Variants in PCDHGA1 observed in about 807,000 individuals in gnomAD.
PCDHGA1 encodes protocadherin gamma subfamily A, 1.
In PCDHGA1, 32 loss-of-function variants were observed where a neutral mutation model predicts 58.0. The observed-to-expected ratio is 0.55, with a 90% CI of 0.42 to 0.74. The LOEUF (loss-of-function observed/expected upper bound fraction) is 0.74. Ranked by LOEUF, PCDHGA1 falls within the 30% of genes least tolerant of loss-of-function variation. The pLI, the probability that PCDHGA1 is intolerant of heterozygous loss-of-function variation, is 0.00. For synonymous variants in PCDHGA1, 498 were observed against 501.1 expected (o/e 0.99, Z 0.08); for missense variants, 1,205 against 1,182.3 (o/e 1.02, Z -0.28).
intron 1 of PCDHGA1, among the ~76,000 whole-genome samples, chr5:141,447,728 A>G (rs2098549955): frequency 6.6e-6 from 1 of 152,204 alleles, no homozygotes; most frequent in Non-Finnish European, 1.5e-5. Flanking sequence ...TCCAAAACTC[A>G]TTGAACTTAA....
intron 1 of PCDHGA1, among the ~76,000 whole-genome samples, chr5:141,444,473 G>A (rs943971075): frequency 2.6e-5 from 4 of 151,972 alleles, no homozygotes; most frequent in Admixed American, 6.6e-5. Flanking sequence ...GCCCGGTCGC[G>A]TACTGGATTT....
At chr5:141,412,233 A>T (rs866840267) in intron 1 of PCDHGA1, 1 of 152,256 alleles carries the variant, frequency 6.6e-6, no homozygotes, top group Non-Finnish European at 1.5e-5. Context: ...TTAAAAACCT[A>T]TATCACTACA....
chr5:141,440,035 C>T, intron 1 of PCDHGA1: 1 of 153,140 alleles, frequency 6.5e-6, no homozygotes, highest in East Asian at 1.9e-4. Flanking sequence ...GTGTCGAGGA[C>T]ATGCCCACTT....
intron 1 of PCDHGA1, chr5:141,340,494 A>G (rs750347331): frequency 6.8e-6 from 11 of 1,613,726 alleles, no homozygotes; most frequent in East Asian, 2.2e-5. Flanking sequence ...ATCTCTATCA[A>G]CTCCGACACT....
chr5:141,344,944 TA>T, intron 1 of PCDHGA1: 2 of 1,613,856 alleles, frequency 1.2e-6, no homozygotes, highest in East Asian at 2.2e-5. Context: ...GTATCAATAT[TA>T]AAAAGTCTAG....
intron 2 of PCDHGA1, among the ~76,000 whole-genome samples, chr5:141,499,099 C>T (rs1031964059): frequency 1.3e-5 from 2 of 152,156 alleles, no homozygotes; most frequent in Non-Finnish European, 2.9e-5. Context: ...ACATGCTTCT[C>T]CTCCCCACCA....
At chr5:141,415,450 C>A (rs774745130) in intron 1 of PCDHGA1, 44 of 1,614,086 alleles carry the variant, frequency 2.7e-5, no homozygotes, top group Non-Finnish European at 3.4e-5. Context: ...GACCTATTCC[C>A]ACGAGGTCTC....
At chr5:141,381,893 G>C (rs1777730137) in intron 1 of PCDHGA1, among the ~76,000 whole-genome samples, 1 of 121,222 alleles carries the variant, frequency 8.2e-6, no homozygotes, top group African/African-American at 3.2e-5. Context: ...GCAATGGTGT[G>C]ATCTCGGCTC....
In PCDHGA1 at chr5:141,339,655, C is replaced by G. The variant is rs767792449; in HGVS notation, c.2421+6550C>G. ...CAGTGCTATCTGGCACCTCCCGCAT[C>G]TGCGTGAAGGTCCTGGATGCGAACG... is the stretch of plus-strand genomic sequence containing the variant. On this transcript the variant is annotated intron_variant, in intron 1 of 3. Coordinates refer to ENST00000517417, the MANE Select transcript of PCDHGA1 (RefSeq NM_018912.3). The G allele has an allele frequency of 1.2e-5, 20 of 1,614,076 alleles. No homozygotes were observed. The highest frequency in any genetic ancestry group is 3.3e-4 in the Middle Eastern group (2 of 6,084).
chr5:141,375,025 TTA>T (rs778119379), intron 1 of PCDHGA1: 2 of 1,614,042 alleles, frequency 1.2e-6, no homozygotes, highest in East Asian at 4.5e-5. Flanking sequence ...ACTCGAGTTT[TTA>T]TGAGCTGGGT....
chr5:141,488,552 A>C (rs993681273), intron 1 of PCDHGA1, among the ~76,000 whole-genome samples: 1 of 152,194 alleles, frequency 6.6e-6, no homozygotes, highest in African/African-American at 2.4e-5. Context: ...GTCAGCTGAC[A>C]TTGAGATTTC....
At chr5:141,422,640 C>T in intron 1 of PCDHGA1, 1 of 1,612,590 alleles carries the variant, frequency 6.2e-7, no homozygotes, top group South Asian at 1.1e-5. Flanking sequence ...GGGGTGCCTC[C>T]ATCTTCTCAG....
chr5:141,399,896 T>G (rs1271195619), intron 1 of PCDHGA1: 2 of 1,612,518 alleles, frequency 1.2e-6, no homozygotes, highest in Non-Finnish European at 8.5e-7. Flanking sequence ...GTAGTGGCCG[T>G]GGACGCAGAC....
rs766042374 is a variant in PCDHGA1 at position 141,418,520 on chromosome 5, C to A, written c.2422-76287C>A. ...GACCGCCTTAGATGGTGGGGACCCTCCCCGAAGCGGTACTGCTCAGATAAG... is the reference window on the plus strand; with the variant it reads ...GACCGCCTTAGATGGTGGGGACCCTACCCGAAGCGGTACTGCTCAGATAAG... On this transcript the variant is annotated intron_variant, in intron 1 of 3. Transcript: ENST00000517417. 6 of 1,613,818 alleles carry A rather than the reference C, an allele frequency of 3.7e-6. No individual in the cohort carries two copies. The highest frequency in any genetic ancestry group is 5.1e-6 in the Non-Finnish European group (6 of 1,179,890).
chr5:141,431,681 G>A lies in PCDHGA1; in HGVS notation c.2422-63126G>A. The A allele has an allele frequency of 6.2e-7, 1 of 1,614,214 alleles. No homozygotes were observed. The highest frequency in any genetic ancestry group is 1.1e-5 in the South Asian group (1 of 91,086). ...GACAATATCAACAATAGGGGAGTTG[G>A]ACCACGAGGAGTCAGGATTCTACCA... On this transcript the variant is annotated intron_variant, in intron 1 of 3. Coordinates refer to ENST00000517417, the MANE Select transcript of PCDHGA1 (RefSeq NM_018912.3). This position sits in a 1 kb window ranked among gnomAD's most constrained non-coding sequence, Gnocchi z 4.8.
rs761468303 is a variant in PCDHGA1 at position 141,421,659 on chromosome 5, T to C, written c.2422-73148T>C. 4 of 1,613,700 alleles carry C rather than the reference T, an allele frequency of 2.5e-6. No individual in the cohort carries two copies. The Admixed American group carries it at 6.7e-5, about 27-fold the overall frequency. On this transcript the variant is annotated intron_variant, in intron 1 of 3. Transcript: ENST00000517417. ...AGGACGAAGTGGAGATAAAAGTCAG[T>C]GAGCACGCAATTCCTGGGGCGCGAT...
At position 141,489,049 on chromosome 5, in the gene PCDHGA1, T is replaced by G; in HGVS notation, c.2422-5758T>G. 2.1e-6 allele frequency: 1 copy of G among 477,660 alleles called. No homozygotes were observed. Among genetic ancestry groups the G allele is most frequent in the Non-Finnish European group, 3.7e-6 (1 of 272,910 alleles). 29.6% of individuals were successfully genotyped at this position (477,660 alleles called of 1,614,324 possible). On this transcript the variant is annotated intron_variant, in intron 1 of 3. Transcript: ENST00000517417. The surrounding 1 kb of genome is among the most constrained non-coding windows in gnomAD (Gnocchi z 4.5). ...CTCCAGCTCCCCAGCTCCACTCAAA[T>G]TCAGCTCCCCTCCCCCCTGCCCACC... is the stretch of plus-strand genomic sequence containing the variant.
intron 1 of PCDHGA1, chr5:141,405,417 TTTTTG>T (rs767701229): frequency 7.0e-6 from 11 of 1,563,080 alleles, no homozygotes; most frequent in Non-Finnish European, 8.7e-6. Flanking sequence ...CTTTTTTTGT[TTTTTG>T]TTTTGTTTTG....
Position 141,486,786 on chromosome 5 carries a change from G to A in PCDHGA1, c.2422-8021G>A, listed in dbSNP as rs1360545946. The A allele has an allele frequency of 1.9e-6, 3 of 1,614,090 alleles. No individual in the cohort carries two copies. The highest frequency in any genetic ancestry group is 2.2e-5 in the East Asian group (1 of 44,892). ...ACACTGCAGTTTGAGGTGCAGGCCC[G>A]GGATCGGGGCAACCCACCCCTTAGC... is the stretch of plus-strand genomic sequence containing the variant. On this transcript the variant is annotated intron_variant, in intron 1 of 3. Coordinates refer to ENST00000517417, the MANE Select transcript of PCDHGA1 (RefSeq NM_018912.3). This position sits in a 1 kb window ranked among gnomAD's most constrained non-coding sequence, Gnocchi z 5.0.
Sources: allele counts gnomAD v4.1 joint callset (sites outside exome capture counted in the v4.1 genomes callset), GRCh38; gene constraint gnomAD v4.1.1; non-coding constraint Gnocchi (gnomAD v3.1); transcripts MANE v1.5; gene names NCBI Gene and HGNC (gene_info 2026-07-23, HGNC 2026-07-21).